The following CD320 variants were observed in gnomAD, a reference collection of about 807,000 sequenced individuals.
CD320 encodes CD320 molecule, also known as CD320 antigen.
CD320 carries 16 observed loss-of-function variants against 22.1 expected under a neutral mutation model. That is an observed-to-expected ratio of 0.73 (90% CI 0.49 to 1.10). The LOEUF is 1.10. CD320 is among the 50% of genes least tolerant of loss of function. CD320 has a pLI of 0.00. For synonymous variants in CD320, 188 were observed against 167.8 expected (o/e 1.12, Z -0.93); for missense variants, 388 against 376.9 (o/e 1.03, Z -0.24).
At position 8,302,613 on chromosome 19, in the gene CD320, G is replaced by A. The variant is rs1313046338; in HGVS notation, c.707-8C>T. On this transcript the variant is annotated splice_region_variant and splice_polypyrimidine_tract_variant and intron_variant, in intron 4 of 4. Coordinates refer to ENST00000301458, the MANE Select transcript of CD320 (RefSeq NM_016579.4). ...GGCTTGCACTGAGCACCGCTGTGGG[G>A]AACAGATGGACAGAGGAGTAAGGAG... is the stretch of plus-strand genomic sequence containing the variant. The A allele has an allele frequency of 1.9e-6, 3 of 1,613,024 alleles. No homozygotes were observed. The highest frequency in any genetic ancestry group is 1.7e-5 in the Admixed American group (1 of 59,990).
At position 8,304,000 on chromosome 19, in the gene CD320, T is replaced by C. The variant is rs1599622001; in HGVS notation, c.357A>G (p.Gly119=). Reference sequence around the variant, plus strand: ...TGCAGTTGCGCAGTTTCTTGTCAGTTCCCCCAGAGCAGTCACTGACGCCGG... The same window carrying C: ...TGCAGTTGCGCAGTTTCTTGTCAGTCCCCCCAGAGCAGTCACTGACGCCGG... ...PCTGVSDCSG[G]TDKKLRNCSR... is the part of the protein sequence containing the mutation. Residue 119 remains glycine (G), a synonymous_variant, in exon 3 of 5, where the codon GGA becomes GGG. Transcript: ENST00000301458. 1 of 1,570,562 alleles carries C rather than the reference T, an allele frequency of 6.4e-7. No homozygotes were observed. The highest frequency in any genetic ancestry group is 1.7e-4 in the Middle Eastern group (1 of 6,018).
chr19:8,306,349 T>G (rs1970087736), intron 1 of CD320, among the ~76,000 whole-genome samples: 2 of 152,128 alleles, frequency 1.3e-5, no homozygotes, highest in Admixed American at 1.3e-4. Flanking sequence ...TGATTATAAG[T>G]GGACACAGGT....
At position 8,302,199 on chromosome 19, in the gene CD320, A is replaced by AC; in HGVS notation, c.*263dup. On this transcript the variant is annotated 3_prime_UTR_variant, in exon 5 of 5. Coordinates refer to ENST00000301458, the MANE Select transcript of CD320 (RefSeq NM_016579.4). ...AGTGTCTTAAGCACAGGGCCGTTCT[A>AC]CCCCCTGGGAGCTGCCTGGGGCCAG... 1.5e-6 allele frequency: 1 copy of AC among 655,136 alleles called. No individual in the cohort carries two copies. The highest frequency in any genetic ancestry group is 1.5e-5 in the South Asian group (1 of 66,342). 40.6% of individuals were successfully genotyped at this position (655,136 alleles called of 1,614,324 possible). A position where few individuals can be genotyped will look rare whatever the true frequency, so the allele number is the denominator to read the frequency against.
At chr19:8,307,649 G>C (rs894138948) in intron 1 of CD320, among the ~76,000 whole-genome samples, 5 of 152,166 alleles carry the variant, frequency 3.3e-5, no homozygotes, top group Admixed American at 2.6e-4. Flanking sequence ...CAGTAGCATG[G>C]GGGGGAGAGA....
At chr19:8,304,722 C>A in intron 2 of CD320, 3 of 215,458 alleles carry the variant, frequency 1.4e-5, no homozygotes, top group Non-Finnish European at 2.7e-5. Flanking sequence ...TTTCCTGAGA[C>A]AGTCTTACTC....
At chr19:8,306,695 A>G (rs1305718572) in intron 1 of CD320, among the ~76,000 whole-genome samples, 1 of 152,120 alleles carries the variant, frequency 6.6e-6, no homozygotes, top group South Asian at 2.1e-4. Flanking sequence ...CCTGAGCTCT[A>G]TGGATCCCAG....
intron 1 of CD320, 130 bp from the exon 2 acceptor site, chr19:8,305,286 G>A (rs1212996687): frequency 8.7e-7 from 1 of 1,143,408 alleles, no homozygotes; most frequent in African/African-American, 1.5e-5. Flanking sequence ...ACTGGCGGCT[G>A]CTTGTTACTG....
At chr19:8,305,840 A>G (rs1024273122) in intron 1 of CD320, 4 of 152,340 alleles carry the variant, frequency 2.6e-5, no homozygotes, top group African/African-American at 9.7e-5. Flanking sequence ...GTGGTTAAAG[A>G]GACTGAGGGA....
rs1363974117 is a variant in CD320 at position 8,308,319 on chromosome 19, G to A, written c.-29C>T. 16 of 1,579,040 alleles carry A rather than the reference G, an allele frequency of 1.0e-5. No individual in the cohort carries two copies. Among genetic ancestry groups the A allele is most frequent in the Admixed American group, 1.7e-5 (1 of 57,592 alleles). ...GTCCCCACAGCGGCGCCGGCCACGC[G>A]CTGTCCAGACCGCTCTCTTATCCCT... On this transcript the variant is annotated 5_prime_UTR_variant, in exon 1 of 5. Transcript: ENST00000301458.
At position 8,308,245 on chromosome 19, in the gene CD320, C is replaced by G. The variant is rs774925837; in HGVS notation, c.46G>C (p.Ala16Pro). The G allele has an allele frequency of 9.5e-6, 15 of 1,582,988 alleles. No homozygotes were observed. In the South Asian group the frequency reaches 1.6e-4, roughly 17 times the overall value. ...MAQVGAWRTG[A>P]LGLALLLLLG... ...AGCAGCAGCAGCGCCAGGCCCAGAG[C>G]CCCTGTTCGCCACGCTCCAACCTGC... The change falls in exon 1 of 5, where the codon GCT (alanine) becomes CCT (proline). Residue 16 changes from alanine to proline, a missense_variant. By Grantham distance (27) the Ala-to-Pro change is conservative. Transcript: ENST00000301458.
chr19:8,306,847 T>A (rs1240617939), intron 1 of CD320, among the ~76,000 whole-genome samples: 1 of 152,170 alleles, frequency 6.6e-6, no homozygotes, highest in African/African-American at 2.4e-5. Flanking sequence ...CGGGAGTGTG[T>A]ATCCCTCTGC....
In CD320 at chr19:8,303,945, G is replaced by A. The variant is rs201166605; in HGVS notation, c.412C>T (p.Arg138Cys). 10 of 1,594,194 alleles carry A rather than the reference G, an allele frequency of 6.3e-6. No homozygotes were observed. The highest frequency in any genetic ancestry group is 2.3e-5 in the South Asian group (2 of 87,882). ...ATGCAGTCATCGCTCAGCGTGCAACGGAGCTCGCCTGCTAGGCAGGCCAGG... is the reference window on the plus strand; with the variant it reads ...ATGCAGTCATCGCTCAGCGTGCAACAGAGCTCGCCTGCTAGGCAGGCCAGG... ...SRLACLAGEL[R>C]CTLSDDCIPL... Residue 138 changes from arginine to cysteine, a missense_variant, in exon 3 of 5, where the codon CGT becomes TGT. Coordinates refer to ENST00000301458, the MANE Select transcript of CD320 (RefSeq NM_016579.4).
intron 1 of CD320, among the ~76,000 whole-genome samples, chr19:8,306,742 C>T (rs1371370703): frequency 6.6e-6 from 1 of 152,224 alleles, no homozygotes; most frequent in Non-Finnish European, 1.5e-5. Flanking sequence ...CTTCCTTCCC[C>T]GCCCCCGGGA....
chr19:8,305,082 G>A lies in CD320; in HGVS notation c.217C>T (p.Arg73Cys), dbSNP rs1241131163. 2 of 1,612,656 alleles carry A rather than the reference G, an allele frequency of 1.2e-6. No individual in the cohort carries two copies. The highest frequency in any genetic ancestry group is 2.2e-5 in the South Asian group (2 of 91,074). The change falls in exon 2 of 5, where the codon CGC (arginine) becomes TGC (cysteine). Residue 73 changes from arginine (R) to cysteine (C), a missense_variant. Arg to Cys is a radical substitution (Grantham distance 180). Coordinates refer to ENST00000301458, the MANE Select transcript of CD320 (RefSeq NM_016579.4). Reference sequence around the variant, plus strand: ...CTGCAGTCCAAGTCCCTGTCGCAGCGCCAGGTGAGGGGCACGCATAAGCCA... The same window carrying A: ...CTGCAGTCCAAGTCCCTGTCGCAGCACCAGGTGAGGGGCACGCATAAGCCA... ...TSGLCVPLTWRCDRDLDCSDG... is the reference protein window; with the variant it reads ...TSGLCVPLTWCCDRDLDCSDG...
At chr19:8,306,662 T>C (rs749195849) in intron 1 of CD320, among the ~76,000 whole-genome samples, 6 of 152,316 alleles carry the variant, frequency 3.9e-5, no homozygotes, top group South Asian at 2.1e-4. Flanking sequence ...TCAGGCCTAA[T>C]TGCACCTACT....
In CD320 at chr19:8,308,133, G is replaced by T; in HGVS notation, c.142+16C>A. On this transcript the variant is annotated intron_variant, in intron 1 of 4. Coordinates refer to ENST00000301458, the MANE Select transcript of CD320 (RefSeq NM_016579.4). ...CTCGCGAGGGGTGGGAGCCCGCGCT[G>T]CGGGGCGTCACTCACCTGCGGCCTG... The T allele has an allele frequency of 2.0e-6, 3 of 1,489,050 alleles. No individual in the cohort carries two copies. The highest frequency in any genetic ancestry group is 2.7e-6 in the Non-Finnish European group (3 of 1,128,878). The allele number at this position is 1,489,050 out of a possible 1,614,324, so 92.2% of individuals were successfully genotyped here.
chr19:8,308,348 C>T lies in CD320; in HGVS notation c.-58G>A. On this transcript the variant is annotated 5_prime_UTR_variant, in exon 1 of 5. Transcript: ENST00000301458. Reference sequence around the variant, plus strand: ...TCCAGACCGCTCTCTTATCCCTGCGCACGCGCACGCGCGGGGTTGGGGCGG... The same window carrying T: ...TCCAGACCGCTCTCTTATCCCTGCGTACGCGCACGCGCGGGGTTGGGGCGG... 1.3e-6 allele frequency: 2 copies of T among 1,551,360 alleles called. No individual in the cohort carries two copies. The highest frequency in any genetic ancestry group is 1.7e-6 in the Non-Finnish European group (2 of 1,155,254).
Position 8,302,827 on chromosome 19 carries a change from G to T in CD320, c.656C>A (p.Ala219Asp). The T allele has an allele frequency of 6.2e-7, 1 of 1,614,102 alleles. No homozygotes were observed. The highest frequency in any genetic ancestry group is 1.1e-5 in the South Asian group (1 of 91,082). The change falls in exon 4 of 5, where the codon GCC becomes GAC. Residue 219 changes from alanine to aspartate, a missense_variant. Transcript: ENST00000301458. Reference protein sequence around the residue: ...PSVGNATSSSAGDQSGSPTAY... With the variant: ...PSVGNATSSSDGDQSGSPTAY... The stretch of plus-strand genomic sequence containing the variant: ...AGTTGGGCTTCCAGACTGGTCTCCG[G>T]CAGAGGAGGATGTGGCATTCCCGAC...
intron 3 of CD320, 100 bp downstream of exon 3, chr19:8,303,755 G>T: frequency 1.2e-6 from 1 of 803,998 alleles, no homozygotes; most frequent in South Asian, 1.5e-5. Context: ...TGCAGGCACG[G>T]GCAAAGGCAT....
Sources: gnomAD v4.1 joint callset for allele counts (sites outside exome capture counted in the v4.1 genomes callset) on GRCh38, gnomAD v4.1.1 for gene constraint, MANE v1.5 for transcripts, NCBI Gene and HGNC (gene_info 2026-07-23, HGNC 2026-07-21) for gene names.